The following CNBD1 variants were observed in gnomAD, a reference collection of about 807,000 sequenced individuals.
CNBD1 encodes the protein cyclic nucleotide binding domain containing 1.
In CNBD1, 71 loss-of-function variants were observed where a neutral mutation model predicts 54.4. The observed-to-expected ratio is 1.30, with a 90% CI of 1.08 to 1.59. CNBD1 has a LOEUF of 1.59. Ranked by LOEUF, CNBD1 falls within the 40% of genes most tolerant of loss-of-function variation. The probability of loss-of-function intolerance (pLI) is 0.00; values close to 1 mark genes in which losing one functional copy is unlikely to be tolerated. For synonymous variants in CNBD1, 182 were observed against 170.7 expected (o/e 1.07, Z -0.51); for missense variants, 659 against 518.0 (o/e 1.27, Z -2.64).
At chr8:87,216,139 T>C (rs973804059) in intron 5 of CNBD1, among the ~76,000 whole-genome samples, 5 of 152,192 alleles carry the variant, frequency 3.3e-5, no homozygotes, top group African/African-American at 1.2e-4. Context: ...AAAATGCTTT[T>C]TAAAAATCAA....
At chr8:87,005,299 G>T (rs749707844) in intron 4 of CNBD1, among the ~76,000 whole-genome samples, 11 of 152,030 alleles carry the variant, frequency 7.2e-5, no homozygotes, top group Admixed American at 1.3e-4. Flanking sequence ...GAACCCAGGA[G>T]GCAGAGCTTG....
intron 4 of CNBD1, among the ~76,000 whole-genome samples, chr8:87,008,709 G>T (rs1809153574): frequency 6.6e-6 from 1 of 152,182 alleles, no homozygotes; most frequent in Non-Finnish European, 1.5e-5. Context: ...ACCAATAGGA[G>T]CAATTAAGAA....
chr8:87,366,657 G>A (rs191916354), intron 10 of CNBD1, among the ~76,000 whole-genome samples: 2 of 152,014 alleles, frequency 1.3e-5, no homozygotes, highest in Non-Finnish European at 2.9e-5. Flanking sequence ...TGAAGGTCGT[G>A]GGGGCCACTT....
At chr8:86,908,653 G>A (rs140465982) in intron 3 of CNBD1, among the ~76,000 whole-genome samples, 231 of 152,090 alleles carry the variant, frequency 1.5e-3, no homozygotes, top group Middle Eastern at 0.01. Flanking sequence ...TTAAACAACC[G>A]CAACAAAAAG....
At chr8:87,072,635 C>T (rs1335253095) in intron 4 of CNBD1, among the ~76,000 whole-genome samples, 1 of 152,022 alleles carries the variant, frequency 6.6e-6, no homozygotes. Context: ...AATATTGGCT[C>T]CCAATCTCTT....
downstream of CNBD1, among the ~76,000 whole-genome samples, chr8:87,385,631 G>T (rs1187375357): frequency 6.6e-6 from 1 of 152,124 alleles, no homozygotes; most frequent in South Asian, 2.1e-4. Context: ...AGCTGGAACT[G>T]GGTGGGGCCC....
intron 4 of CNBD1, among the ~76,000 whole-genome samples, chr8:87,100,418 G>C (rs574071934): frequency 6.6e-6 from 1 of 152,284 alleles, no homozygotes; most frequent in Non-Finnish European, 1.5e-5. Flanking sequence ...GTTTGCTTGT[G>C]TGTGTATTGT....
chr8:87,276,220 A>T (rs1808477584), intron 6 of CNBD1, among the ~76,000 whole-genome samples: 2 of 151,838 alleles, frequency 1.3e-5, no homozygotes, highest in Non-Finnish European at 2.9e-5. Flanking sequence ...CTATATGTAG[A>T]AATTATTTTT....
At chr8:86,922,113 C>CA in intron 3 of CNBD1, among the ~76,000 whole-genome samples, 1 of 152,018 alleles carries the variant, frequency 6.6e-6, no homozygotes, top group Admixed American at 6.5e-5. Flanking sequence ...TTATCTGAGG[C>CA]AAAAAGAACC....
chr8:86,957,850 G>T (rs557143457), intron 4 of CNBD1, among the ~76,000 whole-genome samples: 1 of 151,954 alleles, frequency 6.6e-6, no homozygotes, highest in Admixed American at 6.6e-5. Flanking sequence ...TCTGATCTTA[G>T]TTATTTCTTA....
At chr8:86,891,929 A>C (rs1373135285) in intron 2 of CNBD1, among the ~76,000 whole-genome samples, 1 of 151,996 alleles carries the variant, frequency 6.6e-6, no homozygotes, top group Non-Finnish European at 1.5e-5. Flanking sequence ...CTGCAACTTT[A>C]CTGAATTTAT....
At chr8:87,034,466 C>G (rs1809863757) in intron 4 of CNBD1, among the ~76,000 whole-genome samples, 1 of 152,186 alleles carries the variant, frequency 6.6e-6, no homozygotes, top group Admixed American at 6.5e-5. Context: ...ACAATTATTA[C>G]AGTAGCATGG....
intron 4 of CNBD1, among the ~76,000 whole-genome samples, chr8:87,173,797 C>T (rs561991296): frequency 6.6e-6 from 1 of 151,726 alleles, no homozygotes; most frequent in Admixed American, 6.6e-5. Context: ...ATATTGATAA[C>T]TTTCTCTAGG....
intron 10 of CNBD1, among the ~76,000 whole-genome samples, chr8:87,364,967 C>G (rs1186500526): frequency 6.6e-6 from 1 of 152,004 alleles, no homozygotes; most frequent in Non-Finnish European, 1.5e-5. Flanking sequence ...GTGCATGTGT[C>G]TTTATAATAG....
intron 6 of CNBD1, among the ~76,000 whole-genome samples, chr8:87,259,368 A>T (rs539428345): frequency 6.6e-6 from 1 of 152,306 alleles, no homozygotes; most frequent in Non-Finnish European, 1.5e-5. Context: ...AAATAAATTG[A>T]ACAATTTTCA....
chr8:87,133,254 G>T (rs564247032), intron 4 of CNBD1, among the ~76,000 whole-genome samples: 2 of 152,066 alleles, frequency 1.3e-5, no homozygotes, highest in East Asian at 3.9e-4. Flanking sequence ...TTCAATGTAT[G>T]TTGTCTTTTC....
chr8:87,024,351 A>G (rs1379418274), intron 4 of CNBD1, among the ~76,000 whole-genome samples: 1 of 149,996 alleles, frequency 6.7e-6, no homozygotes, highest in Non-Finnish European at 1.5e-5. Flanking sequence ...TATTTTATTT[A>G]TCTTTTGAGA....
At chr8:87,162,336 T>A (rs908496510) in intron 4 of CNBD1, among the ~76,000 whole-genome samples, 1 of 152,162 alleles carries the variant, frequency 6.6e-6, no homozygotes, top group South Asian at 2.1e-4. Flanking sequence ...TAAAGCTTTG[T>A]GATGGTAAAA....
Position 87,318,221 on chromosome 8 carries a change from G to T in CNBD1, c.1042+31550G>T, listed in dbSNP as rs572618371. 4.6e-5 allele frequency among the ~76,000 whole-genome samples: 7 copies of T among 151,696 alleles called. No individual in the cohort carries two copies. The South Asian group carries it at 1.2e-3, about 27-fold the overall frequency. On this transcript the variant is annotated intron_variant, in intron 8 of 10. Coordinates refer to ENST00000518476, the MANE Select transcript of CNBD1 (RefSeq NM_173538.3). ...TTAATTAATTTTTCTCTTTATTATA[G>T]ATTATATACCCATGCTTCTTTGCAT... is the stretch of plus-strand genomic sequence containing the variant.
Sources: gnomAD v4.1 joint callset for allele counts (sites outside exome capture counted in the v4.1 genomes callset) on GRCh38, gnomAD v4.1.1 for gene constraint, MANE v1.5 for transcripts, NCBI Gene and HGNC (gene_info 2026-07-23, HGNC 2026-07-21) for gene names.